FADS2: variants seen among roughly 807,000 people sequenced by gnomAD.
FADS2 encodes acyl-CoA 6-desaturase.
A neutral mutation model predicts 61.2 loss-of-function variants in FADS2; 18 were observed. The observed-to-expected ratio is 0.29, with a 90% CI of 0.20 to 0.44. FADS2 has a LOEUF of 0.44. FADS2 is among the 20% of genes least tolerant of loss of function. FADS2 has a pLI of 1.00. For missense variants in FADS2, 322 were observed against 572.7 expected (o/e 0.56, Z 4.47); for synonymous variants, 203 against 223.9 (o/e 0.91, Z 0.83).
In FADS2 at chr11:61,863,358, C is replaced by A; in HGVS notation, c.1057C>A (p.Arg353Ser). 1.2e-6 allele frequency: 2 copies of A among 1,613,470 alleles called. No individual in the cohort carries two copies. Among genetic ancestry groups the A allele is most frequent in the Non-Finnish European group, 1.7e-6 (2 of 1,179,402 alleles). The part of the protein sequence containing the change: ...IVMEIDQEAY[R>S]DWFSSQLTAT... ...CATGGAGATTGACCAGGAGGCCTAC[C>A]GTGACTGGTTCAGTAGCCAGGTAGG... The change falls in exon 9 of 12, where the codon CGT (arginine) becomes AGT (serine). Residue 353 changes from arginine (R) to serine (S), a missense_variant. Around this residue, in one of 3 missense-constraint regions of FADS2, gnomAD observed 221 missense variants for 427.9 expected, o/e 0.52. Transcript: ENST00000278840.
chr11:61,838,557 C>T (rs1227375065), intron 2 of FADS2, among the ~76,000 whole-genome samples: 2 of 152,108 alleles, frequency 1.3e-5, no homozygotes, highest in Non-Finnish European at 2.9e-5. Flanking sequence ...TCTTCCTCCT[C>T]TTGTTGCCAG....
At chr11:61,825,926 A>C (rs1246742098), upstream of FADS2, 8 of 611,774 alleles carry the variant, frequency 1.3e-5, no homozygotes, top group Non-Finnish European at 2.3e-5. Context: ...GGCACATGGC[A>C]GTGTCCAGTG....
chr11:61,857,321 CG>C, intron 6 of FADS2, 132 bp from the exon 7 acceptor site: 1 of 850,452 alleles, frequency 1.2e-6, no homozygotes, highest in Non-Finnish European at 2.0e-6. Context: ...CTGCAGGCCC[CG>C]GGGTCCCTGG....
intron 1 of FADS2, among the ~76,000 whole-genome samples, chr11:61,832,209 C>T (rs1484985680): frequency 1.3e-5 from 2 of 152,196 alleles, no homozygotes; most frequent in Non-Finnish European, 1.5e-5. Context: ...TGAGAAGAGA[C>T]CAGAGGTTTG....
intron 7 of FADS2, among the ~76,000 whole-genome samples, chr11:61,859,732 AT>A (rs747447829): frequency 0.098 from 14,921 of 152,136 alleles, 1,111 homozygotes; most frequent in African/African-American, 0.2. Context: ...CATGCTTGTT[AT>A]CCCAGCACTT....
chr11:61,858,005 TG>T (rs1179566459), intron 7 of FADS2, among the ~76,000 whole-genome samples: 1 of 152,186 alleles, frequency 6.6e-6, no homozygotes, highest in Non-Finnish European at 1.5e-5. Context: ...CTCCCGGTTC[TG>T]GAGACCGGAA....
At chr11:61,830,985 A>G (rs2135955028) in intron 1 of FADS2, among the ~76,000 whole-genome samples, 1 of 152,352 alleles carries the variant, frequency 6.6e-6, no homozygotes, top group Admixed American at 6.5e-5. Context: ...CCCTGTCCCC[A>G]GAGCTTCCTG....
At chr11:61,853,417 T>A (rs2067328012) in intron 5 of FADS2, among the ~76,000 whole-genome samples, 1 of 151,926 alleles carries the variant, frequency 6.6e-6, no homozygotes, top group Admixed American at 6.6e-5. Context: ...TGGGTTTTAT[T>A]GCATTGACGG....
At chr11:61,848,103 C>T (rs952140270) in intron 4 of FADS2, 56 bp from the exon 5 acceptor site, 69 of 1,611,936 alleles carry the variant, frequency 4.3e-5, no homozygotes, top group South Asian at 7.7e-5. Context: ...CTGTTACAAG[C>T]GAGCTCGGTT....
chr11:61,833,869 G>T (rs2067149171), intron 1 of FADS2, among the ~76,000 whole-genome samples: 1 of 152,208 alleles, frequency 6.6e-6, no homozygotes, highest in African/African-American at 2.4e-5. Context: ...GGGGTCCTGG[G>T]TCCATTTATT....
chr11:61,855,341 G>A (rs928293689), intron 5 of FADS2: 2 of 152,316 alleles, frequency 1.3e-5, no homozygotes, highest in African/African-American at 4.8e-5. Context: ...GAGAAGCTTA[G>A]AGCAGGACTC....
At chr11:61,853,281 T>TC (rs879753480) in intron 5 of FADS2, among the ~76,000 whole-genome samples, 1 of 71,624 alleles carries the variant, frequency 1.4e-5, no homozygotes, top group Non-Finnish European at 2.6e-5. Context: ...CTCCCTTCCC[T>TC]CCCTCCCTCC....
At chr11:61,863,205 C>A in intron 8 of FADS2, 77 bp from the exon 9 acceptor site, 7 of 1,451,652 alleles carry the variant, frequency 4.8e-6, no homozygotes, top group Non-Finnish European at 5.8e-6. Flanking sequence ...CTGTCCTGGG[C>A]TGGTTGGGAG....
At chr11:61,850,074 C>A (rs1170635018) in intron 5 of FADS2, among the ~76,000 whole-genome samples, 1 of 152,040 alleles carries the variant, frequency 6.6e-6, no homozygotes, top group Admixed American at 6.6e-5. Flanking sequence ...ACCTTGTATC[C>A]TGCAACTTGC....
At chr11:61,822,847 G>C (rs2067045147) in intron 1 of FADS2, among the ~76,000 whole-genome samples, 1 of 152,028 alleles carries the variant, frequency 6.6e-6, no homozygotes, top group East Asian at 1.9e-4. Flanking sequence ...TTGGACATTT[G>C]TGTAGAAGTT....
At position 61,866,081 on chromosome 11, in the gene FADS2, C is replaced by G. The variant is rs769480975; in HGVS notation, c.*392C>G. Reference sequence around the variant, plus strand: ...CTTGCAGCCTGGTCACTAGGCATCACCCCCGCTTTGGTTCTTCAGATGCTC... The same window carrying G: ...CTTGCAGCCTGGTCACTAGGCATCAGCCCCGCTTTGGTTCTTCAGATGCTC... On this transcript the variant is annotated 3_prime_UTR_variant, in exon 12 of 12. Transcript: ENST00000278840. 2.5e-6 allele frequency: 1 copy of G among 405,464 alleles called. No homozygotes were observed. The highest frequency in any genetic ancestry group is 4.3e-6 in the Non-Finnish European group (1 of 230,354). The allele number at this position is 405,464 out of a possible 1,614,324, so 25.1% of individuals were successfully genotyped here. A position where few individuals can be genotyped will look rare whatever the true frequency, so the allele number is the denominator to read the frequency against.
intron 4 of FADS2, among the ~76,000 whole-genome samples, chr11:61,844,325 C>T (rs866298472): frequency 4.1e-4 from 63 of 151,952 alleles, no homozygotes; most frequent in Non-Finnish European, 6.9e-4. Context: ...AATCCCAGCA[C>T]TTTGGGAGGG....
At chr11:61,840,224 G>C (rs2067207004) in intron 2 of FADS2, 110 bp from the exon 3 acceptor site, 1 of 909,128 alleles carries the variant, frequency 1.1e-6, no homozygotes, top group Non-Finnish European at 1.8e-6. Context: ...GCCCCCTCTT[G>C]CCACAGCTTC....
intron 4 of FADS2, chr11:61,847,419 A>G (rs2067269753): frequency 6.6e-6 from 1 of 151,992 alleles, no homozygotes; most frequent in African/African-American, 2.4e-5. Flanking sequence ...ACAACTGCTC[A>G]GCTTTCTGTC....
Sources: allele counts gnomAD v4.1 joint callset (sites outside exome capture counted in the v4.1 genomes callset), GRCh38; gene constraint gnomAD v4.1.1; regional missense constraint gnomAD v4.1.1; transcripts MANE v1.5; gene names NCBI Gene and HGNC (gene_info 2026-07-23, HGNC 2026-07-21).